Variants in SLC17A8 observed in about 807,000 individuals in gnomAD.
The protein encoded by SLC17A8 is solute carrier family 17 member 8, also known as vesicular glutamate transporter 3.
Under a neutral mutation model 58.0 loss-of-function variants are expected in SLC17A8, and 31 were observed. The ratio of observed to expected loss-of-function variants is 0.53; its 90% CI spans 0.40 to 0.72. SLC17A8 has a LOEUF of 0.72. Among genes scored for constraint, SLC17A8 ranks in the 30% least tolerant of loss-of-function variants. The pLI is 0.00. For missense variants in SLC17A8, 655 were observed against 727.8 expected, an observed-to-expected ratio of 0.90 and a Z score of 1.15; for synonymous variants, 228 against 249.0, an observed-to-expected ratio of 0.92 and a Z score of 0.79.
chr12:100,400,227 C>T (rs558454912), intron 5 of SLC17A8, among the ~76,000 whole-genome samples: 8 of 152,272 alleles, frequency 5.3e-5, no homozygotes, highest in African/African-American at 1.9e-4. Context: ...ACAAAGGCCA[C>T]CCTATCTCCA....
At chr12:100,387,655 T>C (rs1004802332) in intron 2 of SLC17A8, among the ~76,000 whole-genome samples, 1 of 152,208 alleles carries the variant, frequency 6.6e-6, no homozygotes, top group Non-Finnish European at 1.5e-5. Flanking sequence ...CAGGTAATTC[T>C]GTGGATCTGG....
At position 100,418,093 on chromosome 12, in the gene SLC17A8, C is replaced by T. The variant is rs185867962; in HGVS notation, c.1362C>T (p.Asn454=). The change falls in exon 11 of 12, where the codon AAC becomes AAT. Residue 454 remains asparagine, a synonymous_variant. Transcript: ENST00000323346. The part of the protein sequence containing the change: ...RYASILMGIS[N]GVGTLSGMVC... ...CCAGCATTCTCATGGGGATCTCAAA[C>T]GGAGTGGGAACCCTCTCTGGAATGG... The T allele has an allele frequency of 2.5e-5, 40 of 1,614,118 alleles. No individual in the cohort carries two copies. The highest frequency in any genetic ancestry group is 2.2e-5 in the East Asian group (1 of 44,872).
At chr12:100,378,757 C>A (rs1357454855) in intron 1 of SLC17A8, among the ~76,000 whole-genome samples, 1 of 152,068 alleles carries the variant, frequency 6.6e-6, no homozygotes, top group East Asian at 1.9e-4. Flanking sequence ...TGCAGGCCGG[C>A]AGGTAGGTAG....
rs778910826 is a variant in SLC17A8, at chr12:100,380,786, C to T, written c.187C>T (p.Pro63Ser). 12 of 1,614,100 alleles carry T rather than the reference C, an allele frequency of 7.4e-6. No individual in the cohort carries two copies. The highest frequency in any genetic ancestry group is 1.1e-5 in the South Asian group (1 of 91,074). Residue 63 changes from proline to serine, a missense_variant, in exon 2 of 12, where the codon CCA becomes TCA. Coordinates refer to ENST00000323346, the MANE Select transcript of SLC17A8 (RefSeq NM_139319.3). ...RPVQTSRPSP[P>S]LCDCHCCGLP... ...GGTGCAGACGTCCAGGCCAAGCCCC[C>T]CACTCTGCGACTGCCACTGCTGCGG... is the stretch of plus-strand genomic sequence containing the variant.
chr12:100,379,469 C>G (rs1312809537), intron 1 of SLC17A8, among the ~76,000 whole-genome samples: 1 of 149,224 alleles, frequency 6.7e-6, no homozygotes, highest in East Asian at 2.0e-4. Context: ...CCAAGGTTAT[C>G]TTTCATATGA....
chr12:100,375,944 ATATGAG>A lies in SLC17A8; in HGVS notation c.102-4753_102-4748del, dbSNP rs1952592004. On this transcript the variant is annotated intron_variant, in intron 1 of 11. Coordinates refer to ENST00000323346, the MANE Select transcript of SLC17A8 (RefSeq NM_139319.3). ...AAATTCTAACCCTCAGTACCTCAGA[ATATGAG>A]TATATTTGGAGATAGGGTCTTTAAA... Among the ~76,000 whole-genome samples the A allele has an allele frequency of 5.3e-5, 8 of 152,334 alleles. No homozygotes were observed. The South Asian group carries it at 1.7e-3, about 32-fold the overall frequency.
chr12:100,377,588 T>A (rs397850930), intron 1 of SLC17A8, among the ~76,000 whole-genome samples: 3,864 of 116,390 alleles, frequency 0.033, 69 homozygotes, highest in African/African-American at 0.095. Flanking sequence ...TATATATATT[T>A]TTTTTTTTTT....
chr12:100,385,611 A>G (rs1952669147), intron 2 of SLC17A8, among the ~76,000 whole-genome samples: 1 of 152,144 alleles, frequency 6.6e-6, no homozygotes, highest in Admixed American at 6.5e-5. Context: ...TTGCGGGGGA[A>G]GGTGCAATCC....
At chr12:100,417,412 GC>G (rs1342124856) in intron 10 of SLC17A8, among the ~76,000 whole-genome samples, 3 of 152,138 alleles carry the variant, frequency 2.0e-5, no homozygotes, top group Non-Finnish European at 4.4e-5. Flanking sequence ...AGAAACAAAG[GC>G]CCCCAAATTA....
Position 100,380,822 on chromosome 12 carries a change from C to G in SLC17A8, c.223C>G (p.Arg75Gly). Residue 75 changes from arginine (R) to glycine (G), a missense_variant, in exon 2 of 12, where the codon CGT (arginine) becomes GGT (glycine). Coordinates refer to ENST00000323346, the MANE Select transcript of SLC17A8 (RefSeq NM_139319.3). ...CTGCCACTGCTGCGGCCTCCCCAAG[C>G]GTTACATCATTGCTATCATGAGTGG... ...CDCHCCGLPK[R>G]YIIAIMSGLG... The G allele has an allele frequency of 1.2e-6, 2 of 1,614,112 alleles. No individual in the cohort carries two copies. The highest frequency in any genetic ancestry group is 1.7e-6 in the Non-Finnish European group (2 of 1,180,030).
chr12:100,393,606 C>A (rs1179420790), intron 4 of SLC17A8, 123 bp downstream of exon 4: 3 of 727,880 alleles, frequency 4.1e-6, no homozygotes, highest in East Asian at 2.9e-5. Context: ...CCTTTTCCTG[C>A]TGTTTCCATT....
chr12:100,402,311 T>C (rs926368196), intron 6 of SLC17A8, 29 bp from the exon 7 acceptor site: 5 of 1,613,670 alleles, frequency 3.1e-6, no homozygotes, highest in Non-Finnish European at 3.4e-6. Flanking sequence ...TGAGACCATA[T>C]AACCCAGCCT....
chr12:100,391,898 A>T (rs568636707), intron 3 of SLC17A8, among the ~76,000 whole-genome samples: 1 of 152,236 alleles, frequency 6.6e-6, no homozygotes, highest in South Asian at 2.1e-4. Flanking sequence ...TTCTCAGATG[A>T]GTGGTGGGGG....
intron 1 of SLC17A8, among the ~76,000 whole-genome samples, chr12:100,379,638 T>C (rs1397553148): frequency 6.6e-6 from 1 of 152,158 alleles, no homozygotes; most frequent in African/African-American, 2.4e-5. Flanking sequence ...CTCAGAAAGA[T>C]GACAATAAGT....
intron 1 of SLC17A8, 74 bp from the exon 2 acceptor site, chr12:100,380,627 T>A: frequency 6.3e-7 from 1 of 1,577,674 alleles, no homozygotes; most frequent in Non-Finnish European, 8.7e-7. Flanking sequence ...GTACCTTTTT[T>A]CTTTTTGCTT....
At position 100,360,900 on chromosome 12, in the gene SLC17A8, T is replaced by A. The variant is rs959036778; in HGVS notation, c.101+3408T>A. Among the ~76,000 whole-genome samples, 5 of 152,176 alleles carry A rather than the reference T, an allele frequency of 3.3e-5. No individual in the cohort carries two copies. In the South Asian group the frequency reaches 8.3e-4, roughly 25 times the overall value. On this transcript the variant is annotated intron_variant, in intron 1 of 11. Coordinates refer to ENST00000323346, the MANE Select transcript of SLC17A8 (RefSeq NM_139319.3). The stretch of plus-strand genomic sequence containing the variant: ...TCAGTTGCATCTTTATTGAAGGCTT[T>A]CTCCAAGGGAGGCTTAAGGGGAGTC...
intron 7 of SLC17A8, 34 bp from the exon 8 acceptor site, chr12:100,402,562 T>C: frequency 6.2e-7 from 1 of 1,613,058 alleles, no homozygotes. Context: ...GTCAATATCT[T>C]TACTAAAAAT....
chr12:100,383,507 T>C (rs1443295053), intron 2 of SLC17A8, among the ~76,000 whole-genome samples: 3 of 152,200 alleles, frequency 2.0e-5, no homozygotes, highest in Non-Finnish European at 2.9e-5. Flanking sequence ...TTGCTAATTG[T>C]ATTAAGAAAG....
At chr12:100,363,267 T>C (rs1952496462) in intron 1 of SLC17A8, among the ~76,000 whole-genome samples, 1 of 152,226 alleles carries the variant, frequency 6.6e-6, no homozygotes, top group African/African-American at 2.4e-5. Context: ...GGTGGGTTAC[T>C]GGGAATGATG....
Sources: gnomAD v4.1 joint callset for allele counts (sites outside exome capture counted in the v4.1 genomes callset) on GRCh38, gnomAD v4.1.1 for gene constraint, MANE v1.5 for transcripts, NCBI Gene and HGNC (gene_info 2026-07-23, HGNC 2026-07-21) for gene names.